Variants in TIAM1 observed in about 807,000 individuals in gnomAD.
TIAM1 encodes rho guanine nucleotide exchange factor TIAM1.
TIAM1 carries 65 observed loss-of-function variants against 163.5 expected under a neutral mutation model. The observed-to-expected ratio is 0.40, with a 90% CI of 0.33 to 0.49. The LOEUF (loss-of-function observed/expected upper bound fraction) is 0.49. Ranked by LOEUF, TIAM1 falls within the 20% of genes least tolerant of loss-of-function variation. The pLI, the probability that TIAM1 is intolerant of heterozygous loss-of-function variation, is 0.77. For synonymous variants in TIAM1, 833 were observed against 810.1 expected (o/e 1.03, Z -0.48); for missense variants, 1,789 against 2,044.7 (o/e 0.87, Z 2.41).
intron 2 of TIAM1, among the ~76,000 whole-genome samples, chr21:31,428,149 G>A (rs1324928221): frequency 6.6e-6 from 1 of 152,030 alleles, no homozygotes; most frequent in Non-Finnish European, 1.5e-5. Context: ...CAGCTACTTG[G>A]GAGGCTGAGG....
chr21:31,430,141 G>A (rs1461773945), intron 2 of TIAM1, among the ~76,000 whole-genome samples: 2 of 150,888 alleles, frequency 1.3e-5, no homozygotes, highest in Non-Finnish European at 2.9e-5. Flanking sequence ...GGGAGATGGA[G>A]GTTGCAGTGA....
chr21:31,187,986 G>GA (rs1296988651), intron 13 of TIAM1, among the ~76,000 whole-genome samples: 4 of 151,920 alleles, frequency 2.6e-5, no homozygotes, highest in Non-Finnish European at 4.4e-5. Context: ...TCAGCTCTGG[G>GA]AAAAAAATCA....
chr21:31,228,242 A>ATAATCTGATAAGGATTTTTCCTTT (rs1569068886), intron 6 of TIAM1, among the ~76,000 whole-genome samples: 1 of 50,718 alleles, frequency 2.0e-5, no homozygotes, highest in African/African-American at 3.8e-5. Flanking sequence ...AAAAAAAAAA[A>ATAATCTGATAAGGATTTTTCCTTT]AAAAAAAAAA....
chr21:31,442,070 A>AATATATATATATATATAC (rs138822110), intron 2 of TIAM1, among the ~76,000 whole-genome samples: 1 of 53,230 alleles, frequency 1.9e-5, no homozygotes, highest in East Asian at 6.1e-4. Context: ...CAAATAAATA[A>AATATATATATATATATAC]ATATATATAT....
intron 19 of TIAM1, among the ~76,000 whole-genome samples, chr21:31,150,685 T>C (rs187710380): frequency 5.3e-5 from 8 of 152,238 alleles, no homozygotes; most frequent in African/African-American, 1.7e-4. Context: ...AAAGATTTCA[T>C]AGATAAGACA....
At chr21:31,267,938 C>A (rs556435516) in intron 3 of TIAM1, among the ~76,000 whole-genome samples, 230 of 152,298 alleles carry the variant, frequency 1.5e-3, no homozygotes, top group Non-Finnish European at 2.7e-3. Context: ...TTTTTACAGT[C>A]TCTCTCACTG....
At chr21:31,133,549 T>C (rs928606488) in intron 23 of TIAM1, among the ~76,000 whole-genome samples, 11 of 152,308 alleles carry the variant, frequency 7.2e-5, no homozygotes, top group Admixed American at 7.2e-4. Flanking sequence ...GTGCAGAAAG[T>C]GGTACCTAAA....
chr21:31,392,848 C>T (rs2076991322), intron 2 of TIAM1, among the ~76,000 whole-genome samples: 1 of 152,068 alleles, frequency 6.6e-6, no homozygotes, highest in African/African-American at 2.4e-5. Flanking sequence ...ATGTGACATG[C>T]TTGCCCCTTC....
chr21:31,182,421 C>T lies in TIAM1; in HGVS notation c.2887G>A (p.Gly963Arg). 2.6e-6 allele frequency: 4 copies of T among 1,564,220 alleles called. No individual in the cohort carries two copies. Among genetic ancestry groups the T allele is most frequent in the Non-Finnish European group, 3.5e-6 (4 of 1,157,554 alleles). Residue 963 changes from glycine to arginine, a missense_variant and splice_region_variant, in exon 15 of 28, where the codon GGG becomes AGG. By Grantham distance (125) the Gly-to-Arg change is moderately radical (BLOSUM62 -2). This residue lies in a region of TIAM1 where 303 missense variants were observed against 321.3 expected (regional missense o/e 0.94). Transcript: ENST00000541036. ...CCCCCAGCACCCTGCACAGCCATAC[C>T]TGGGTTGCTGGTGAGAAAGGCGAGG... ...SPLAFLTSNP[G>R]HSLCSEQGSS... is the part of the protein sequence containing the mutation.
chr21:31,484,330 C>CT (rs2046205194), intron 1 of TIAM1, among the ~76,000 whole-genome samples: 1 of 152,194 alleles, frequency 6.6e-6, no homozygotes, highest in Non-Finnish European at 1.5e-5. Context: ...GGGCTGGGGA[C>CT]TGTGTGTGCT....
chr21:31,250,445 A>G (rs898114362), intron 5 of TIAM1, among the ~76,000 whole-genome samples: 3 of 152,204 alleles, frequency 2.0e-5, no homozygotes, highest in Non-Finnish European at 4.4e-5. Flanking sequence ...AATGGGGCCA[A>G]CGCAAGTCCT....
chr21:31,206,571 A>T (rs912507265), intron 11 of TIAM1, among the ~76,000 whole-genome samples: 1 of 152,252 alleles, frequency 6.6e-6, no homozygotes, highest in Non-Finnish European at 1.5e-5. Flanking sequence ...TTTCCAATGT[A>T]CATGTACTTA....
At chr21:31,442,457 G>A (rs182633777) in intron 2 of TIAM1, among the ~76,000 whole-genome samples, 38 of 151,988 alleles carry the variant, frequency 2.5e-4, no homozygotes, top group African/African-American at 7.7e-4. Context: ...GGTATGGAAC[G>A]TCTGACTTCA....
chr21:31,441,759 A>G (rs998829514), intron 2 of TIAM1, among the ~76,000 whole-genome samples: 1 of 151,902 alleles, frequency 6.6e-6, no homozygotes, highest in African/African-American at 2.4e-5. Context: ...GACTTAATTC[A>G]AAACTATTGC....
rs2146595923 is a variant in TIAM1 at position 31,217,581 on chromosome 21, T to A, written c.2114A>T (p.Lys705Met). Residue 705 changes from lysine to methionine, a missense_variant, in exon 9 of 28, where the codon AAG becomes ATG. Lys to Met is a moderately conservative substitution (Grantham distance 95, BLOSUM62 -1). This residue lies in a region of TIAM1 where 456 missense variants were observed against 586.6 expected (regional missense o/e 0.78). Coordinates refer to ENST00000541036, the MANE Select transcript of TIAM1 (RefSeq NM_001353694.2). ...ATTGATGCTTGGCCGTCCCTGCTTC[T>A]TTTTGGAGGTAGTATCCAGACCCCA... ...SLWGLDTTSK[K>M]KQGRPSINQV... 1 of 1,613,926 alleles carries A rather than the reference T, an allele frequency of 6.2e-7. No homozygotes were observed.
chr21:31,295,419 G>A (rs549743482), intron 2 of TIAM1, among the ~76,000 whole-genome samples: 204 of 139,704 alleles, frequency 1.5e-3, no homozygotes, highest in African/African-American at 4.2e-3. Flanking sequence ...GCAGTGCGCC[G>A]AGATCACGCC....
At chr21:31,237,949 T>C (rs1178699469) in intron 6 of TIAM1, among the ~76,000 whole-genome samples, 1 of 152,162 alleles carries the variant, frequency 6.6e-6, no homozygotes, top group East Asian at 1.9e-4. Flanking sequence ...AGAACTTAAA[T>C]TAAAATAGTG....
At chr21:31,392,443 G>A (rs1239721270) in intron 2 of TIAM1, among the ~76,000 whole-genome samples, 2 of 151,830 alleles carry the variant, frequency 1.3e-5, no homozygotes, top group East Asian at 1.9e-4. Context: ...GGTGGCAGGC[G>A]CCTGTAATCT....
intron 2 of TIAM1, among the ~76,000 whole-genome samples, chr21:31,428,806 C>T (rs566992990): frequency 1.3e-5 from 2 of 151,612 alleles, no homozygotes; most frequent in South Asian, 2.1e-4. Context: ...CTTCTTGAGC[C>T]CAGGAGGCCA....
Sources: gnomAD v4.1 joint callset for allele counts (sites outside exome capture counted in the v4.1 genomes callset) on GRCh38, gnomAD v4.1.1 for gene constraint, gnomAD v4.1.1 regional missense constraint, MANE v1.5 for transcripts, NCBI Gene and HGNC (gene_info 2026-07-23, HGNC 2026-07-21) for gene names.